Variants in AGBL4 observed in about 807,000 individuals in gnomAD.
AGBL4 encodes the protein AGBL carboxypeptidase 4.
Under a neutral mutation model 66.4 loss-of-function variants are expected in AGBL4, and 58 were observed. The ratio of observed to expected loss-of-function variants is 0.87; its 90% confidence interval spans 0.71 to 1.09. The LOEUF is 1.09. AGBL4 is among the 50% of genes least tolerant of loss of function. The probability of loss-of-function intolerance (pLI) is 0.00; values close to 1 mark genes in which losing one functional copy is unlikely to be tolerated. For synonymous variants in AGBL4, 234 were observed against 222.9 expected, an observed-to-expected ratio of 1.05 and a Z score of -0.44; for missense variants, 579 against 631.0, an observed-to-expected ratio of 0.92 and a Z score of 0.88.
intron 6 of AGBL4, among the ~76,000 whole-genome samples, chr1:48,689,219 A>AAAG (rs1408835534): frequency 7.1e-6 from 1 of 141,584 alleles, no homozygotes; most frequent in African/African-American, 3.1e-5. Flanking sequence ...AAAAAAAAAA[A>AAAG]AAAAGAAAAG....
intron 5 of AGBL4, among the ~76,000 whole-genome samples, chr1:48,957,937 A>G (rs1318942727): frequency 2.0e-5 from 3 of 152,092 alleles, no homozygotes; most frequent in African/African-American, 7.2e-5. Flanking sequence ...GATAAACTTC[A>G]GGATCCTTGG....
At chr1:49,843,628 TATAATTTCTC>T (rs1429657729) in intron 2 of AGBL4, among the ~76,000 whole-genome samples, 4 of 152,174 alleles carry the variant, frequency 2.6e-5, no homozygotes, top group African/African-American at 7.2e-5. Flanking sequence ...GATAATCCAG[TATAATTTCTC>T]TATCTTAATG....
intron 4 of AGBL4, among the ~76,000 whole-genome samples, chr1:49,196,865 T>G (rs1395831195): frequency 6.6e-6 from 1 of 152,130 alleles, no homozygotes; most frequent in African/African-American, 2.4e-5. Context: ...CCCACTCTTT[T>G]GCTCAGGCAG....
At chr1:48,985,290 G>C (rs1252346354) in intron 5 of AGBL4, among the ~76,000 whole-genome samples, 1 of 152,042 alleles carries the variant, frequency 6.6e-6, no homozygotes, top group Non-Finnish European at 1.5e-5. Flanking sequence ...TGAGAGCTTG[G>C]AAAGACCCTC....
rs541813161 is a variant in AGBL4 at position 49,667,238 on chromosome 1, C to G, written c.282+30075G>C. Among the ~76,000 whole-genome samples the G allele has an allele frequency of 7.9e-5, 12 of 152,136 alleles. No individual in the cohort carries two copies. The East Asian group carries it at 2.3e-3, about 29-fold the overall frequency. ...CTTTGGAAGGCCAAGGCAGGTAGAT[C>G]ACTTGAGCCCAGGAGTTCAAGACCA... On this transcript the variant is annotated intron_variant, in intron 3 of 13. Transcript: ENST00000371839.
At chr1:49,969,447 A>G (rs1216490484) in intron 1 of AGBL4, among the ~76,000 whole-genome samples, 4 of 152,126 alleles carry the variant, frequency 2.6e-5, no homozygotes, top group Non-Finnish European at 5.9e-5. Context: ...TATAGACACC[A>G]TGCTATACGG....
chr1:49,215,825 CT>C (rs984289926), intron 4 of AGBL4, among the ~76,000 whole-genome samples: 1 of 152,082 alleles, frequency 6.6e-6, no homozygotes, highest in African/African-American at 2.4e-5. Flanking sequence ...CCTTCTCCCT[CT>C]TTCCCCCAAT....
intron 3 of AGBL4, among the ~76,000 whole-genome samples, chr1:49,476,537 A>G (rs1185377889): frequency 2.0e-5 from 3 of 151,998 alleles, no homozygotes; most frequent in Non-Finnish European, 2.9e-5. Flanking sequence ...GTGGCTGTCA[A>G]TATTTTTTCT....
chr1:49,585,344 A>G (rs945136132), intron 3 of AGBL4, among the ~76,000 whole-genome samples: 3 of 152,146 alleles, frequency 2.0e-5, no homozygotes, highest in Admixed American at 2.0e-4. Context: ...AATCTGCCCT[A>G]GAGAGCTGGT....
intron 11 of AGBL4, among the ~76,000 whole-genome samples, chr1:48,564,428 C>G (rs1307743976): frequency 6.6e-6 from 1 of 151,630 alleles, no homozygotes; most frequent in Admixed American, 6.6e-5. Flanking sequence ...CCCCACCACA[C>G]TAGATGACAT....
intron 4 of AGBL4, among the ~76,000 whole-genome samples, chr1:49,180,618 G>T (rs1646913914): frequency 6.6e-6 from 1 of 152,086 alleles, no homozygotes; most frequent in African/African-American, 2.4e-5. Flanking sequence ...CCATGGCCTT[G>T]GTATATCTAG....
chr1:48,978,339 A>G (rs915710911), intron 5 of AGBL4, among the ~76,000 whole-genome samples: 4 of 152,176 alleles, frequency 2.6e-5, no homozygotes, highest in Non-Finnish European at 5.9e-5. Context: ...TCTGCCAATA[A>G]CTAAAGAGAA....
intron 6 of AGBL4, among the ~76,000 whole-genome samples, chr1:48,672,315 T>G (rs1646289348): frequency 6.6e-6 from 1 of 152,226 alleles, no homozygotes; most frequent in South Asian, 2.1e-4. Flanking sequence ...ATGCCATTGG[T>G]TGAGCATCAG....
At chr1:49,587,629 A>G (rs992270355) in intron 3 of AGBL4, among the ~76,000 whole-genome samples, 4 of 152,212 alleles carry the variant, frequency 2.6e-5, no homozygotes, top group Non-Finnish European at 5.9e-5. Context: ...GGGACTGAAG[A>G]GTAAATATCA....
chr1:48,534,299 A>AAGGGGGAGATAC lies in AGBL4; in HGVS notation c.1392-7_1392-6insGTATCTCCCCCT, dbSNP rs1273253131. 1 of 1,549,324 alleles carries AAGGGGGAGATAC rather than the reference A, an allele frequency of 6.5e-7. No homozygotes were observed. The highest frequency in any genetic ancestry group is 2.4e-5 in the East Asian group (1 of 40,890). On this transcript the variant is annotated splice_region_variant and splice_polypyrimidine_tract_variant and intron_variant, in intron 13 of 13. Coordinates refer to ENST00000371839, the MANE Select transcript of AGBL4 (RefSeq NM_032785.4). ...AAGGAGGGGATTTTTCTTTCCTGCA[A>AAGGGGGAGATAC]AGGGGGAGATAACAGAAAGAGAGAA...
At chr1:49,834,224 G>T (rs906241200) in intron 2 of AGBL4, among the ~76,000 whole-genome samples, 1 of 151,904 alleles carries the variant, frequency 6.6e-6, no homozygotes, top group African/African-American at 2.4e-5. Flanking sequence ...AGGTTTTTTT[G>T]GTTGGTACAT....
intron 6 of AGBL4, among the ~76,000 whole-genome samples, chr1:48,857,550 T>C (rs1000622003): frequency 1.3e-5 from 2 of 151,984 alleles, no homozygotes; most frequent in African/African-American, 4.8e-5. Context: ...TGAAACCCCA[T>C]CTCTGCTAAA....
chr1:49,666,346 T>G (rs536396990), intron 3 of AGBL4, among the ~76,000 whole-genome samples: 82 of 151,964 alleles, frequency 5.4e-4, no homozygotes, highest in African/African-American at 1.8e-3. Flanking sequence ...GGGTGGATCA[T>G]TTGAGGTCAG....
intron 3 of AGBL4, among the ~76,000 whole-genome samples, chr1:49,568,072 T>C (rs1410974222): frequency 6.6e-6 from 1 of 152,128 alleles, no homozygotes; most frequent in Non-Finnish European, 1.5e-5. Context: ...AGATGCTCTC[T>C]CTCATCCCTC....
Sources: gnomAD v4.1 joint callset for allele counts (sites outside exome capture counted in the v4.1 genomes callset) on GRCh38, gnomAD v4.1.1 for gene constraint, MANE v1.5 for transcripts, NCBI Gene and HGNC (gene_info 2026-07-23, HGNC 2026-07-21) for gene names.